FAM20C: variants seen among roughly 807,000 people sequenced by gnomAD.
The protein encoded by FAM20C is extracellular serine/threonine protein kinase FAM20C.
FAM20C carries 40 observed loss-of-function variants against 51.5 expected under a neutral mutation model. The observed-to-expected ratio is 0.78, with a 90% CI of 0.60 to 1.01. The LOEUF is 1.01. Ranked by LOEUF, FAM20C falls within the 50% of genes least tolerant of loss-of-function variation. The pLI is 0.00. For synonymous variants in FAM20C, 406 were observed against 380.6 expected (o/e 1.07, Z -0.78); for missense variants, 861 against 844.7 (o/e 1.02, Z -0.24).
intron 2 of FAM20C, among the ~76,000 whole-genome samples, chr7:203,633 G>A (rs568131172): frequency 1.3e-5 from 2 of 152,322 alleles, no homozygotes; most frequent in Middle Eastern, 3.4e-3. Context: ...GTGGGCCCAC[G>A]GTCCACAGGA....
intron 2 of FAM20C, among the ~76,000 whole-genome samples, chr7:203,894 C>T (rs1236697151): frequency 6.6e-6 from 1 of 152,160 alleles, no homozygotes; most frequent in East Asian, 1.9e-4. Context: ...AATCCTGTGA[C>T]CCCAGTTACT....
intron 3 of FAM20C, among the ~76,000 whole-genome samples, chr7:234,873 T>C (rs2115125844): frequency 6.6e-6 from 1 of 152,168 alleles, no homozygotes; most frequent in South Asian, 2.1e-4. Flanking sequence ...CCCACGGCAC[T>C]GCATGTCTCA....
chr7:218,732 G>A (rs570177660), intron 3 of FAM20C, among the ~76,000 whole-genome samples: 50 of 152,368 alleles, frequency 3.3e-4, no homozygotes, highest in African/African-American at 1.1e-3. Context: ...AAACCGAGGT[G>A]GGAGAGGTGA....
chr7:244,898 C>G (rs149633660), intron 3 of FAM20C, among the ~76,000 whole-genome samples: 8,252 of 152,314 alleles, frequency 0.054, 283 homozygotes, highest in Non-Finnish European at 0.082. Flanking sequence ...TTTAACCCCC[C>G]ATAAGAAACG....
intron 3 of FAM20C, among the ~76,000 whole-genome samples, chr7:225,667 C>T (rs375317783): frequency 5.1e-5 from 1 of 19,754 alleles, no homozygotes; most frequent in African/African-American, 2.0e-4. Context: ...CTGAGCAGAA[C>T]GGCACCGTCA....
chr7:256,388 C>G (rs1007227078), intron 6 of FAM20C: 34 of 573,450 alleles, frequency 5.9e-5, no homozygotes, highest in African/African-American at 5.0e-4. Flanking sequence ...AGTCCAGGTC[C>G]TGTTTCCCCA....
At chr7:209,992 G>A (rs1344904960) in intron 3 of FAM20C, among the ~76,000 whole-genome samples, 2 of 152,214 alleles carry the variant, frequency 1.3e-5, no homozygotes, top group Non-Finnish European at 2.9e-5. Context: ...CACGAGTCCT[G>A]CCTCAGACCC....
At chr7:212,953 ACTC>A (rs1786791048) in intron 3 of FAM20C, among the ~76,000 whole-genome samples, 1 of 141,516 alleles carries the variant, frequency 7.1e-6, no homozygotes, top group South Asian at 2.4e-4. Context: ...TTCTGTCATC[ACTC>A]CTCAACCCCC....
Position 258,722 on chromosome 7 carries a change from A to G in FAM20C, c.1505+17A>G, listed in dbSNP as rs1008505507. The G allele has an allele frequency of 2.0e-6, 3 of 1,531,336 alleles. No homozygotes were observed. In the African/African-American group the frequency reaches 4.1e-5, roughly 21 times the overall value. 94.9% of individuals were successfully genotyped at this position (1,531,336 alleles called of 1,614,324 possible). A position where few individuals can be genotyped will look rare whatever the true frequency, so the allele number is the denominator to read the frequency against. On this transcript the variant is annotated intron_variant, in intron 9 of 9. Coordinates refer to ENST00000313766, the MANE Select transcript of FAM20C (RefSeq NM_020223.4). ...GTGCTGCAGGTACAGCCCCTGCCGG[A>G]GCCGGCTCCAGCTCCACCCTCCTCC...
Position 255,860 on chromosome 7 carries a change from T to A in FAM20C, c.1084T>A (p.Cys362Ser). 6.5e-7 allele frequency: 1 copy of A among 1,536,358 alleles called. No individual in the cohort carries two copies. The change falls in exon 6 of 10, where the codon TGC (cysteine) becomes AGC (serine). Residue 362 changes from cysteine to serine, a missense_variant. Coordinates refer to ENST00000313766, the MANE Select transcript of FAM20C (RefSeq NM_020223.4). ...TFFISPANNI[C>S]FYGECSYYCS... Reference sequence around the variant, plus strand: ...CTGTCCCTCCCCAGCCAACAACATCTGCTTCTACGGCGAGTGTTCCTACTA... The same window carrying A: ...CTGTCCCTCCCCAGCCAACAACATCAGCTTCTACGGCGAGTGTTCCTACTA...
chr7:206,980 A>G lies in FAM20C; in HGVS notation c.785-1918A>G, dbSNP rs112280985. 6.8e-3 allele frequency among the ~76,000 whole-genome samples: 152 copies of G among 22,512 alleles called. 18 individuals are homozygous for G. The highest frequency in any genetic ancestry group is 8.9e-3 in the African/African-American group (46 of 5,192). 14.8% of individuals were successfully genotyped at this position (22,512 alleles called of 152,430 possible). On this transcript the variant is annotated intron_variant, in intron 2 of 9. Coordinates refer to ENST00000313766, the MANE Select transcript of FAM20C (RefSeq NM_020223.4). ...ACGGCCCCCTCGGCCCCGCACACGT[A>G]TCCACTGTGAGGCGTCGGTCACTGT... is the stretch of plus-strand genomic sequence containing the variant.
intron 3 of FAM20C, among the ~76,000 whole-genome samples, chr7:233,946 T>C (rs2115124193): frequency 6.6e-6 from 1 of 152,232 alleles, no homozygotes; most frequent in South Asian, 2.1e-4. Flanking sequence ...TGGCCAGCTC[T>C]GGGGGGAGGG....
intron 3 of FAM20C, among the ~76,000 whole-genome samples, chr7:215,292 G>C (rs28528710): frequency 0.11 from 1,218 of 11,548 alleles, 133 homozygotes; most frequent in African/African-American, 0.12. Flanking sequence ...AGCAGGGCCC[G>C]TGGTGTATGG....
At chr7:234,217 G>T (rs994206758) in intron 3 of FAM20C, among the ~76,000 whole-genome samples, 3 of 152,254 alleles carry the variant, frequency 2.0e-5, no homozygotes, top group Admixed American at 2.0e-4. Context: ...CGGTTCTGCC[G>T]AGTCCCCCTC....
chr7:233,407 T>C (rs1787758013), intron 3 of FAM20C, among the ~76,000 whole-genome samples: 1 of 152,198 alleles, frequency 6.6e-6, no homozygotes, highest in Non-Finnish European at 1.5e-5. Context: ...TTCGTGTGGC[T>C]GGGTATCCTG....
chr7:255,038 C>T lies in FAM20C; in HGVS notation c.1073-811C>T, dbSNP rs576538346. Reference sequence around the variant, plus strand: ...TTCTCTCTTTTTCGGCTGTGGTGAGCGGTGCTGCTGTGAGCATTCGTGTCT... The same window carrying T: ...TTCTCTCTTTTTCGGCTGTGGTGAGTGGTGCTGCTGTGAGCATTCGTGTCT... On this transcript the variant is annotated intron_variant, in intron 5 of 9. Coordinates refer to ENST00000313766, the MANE Select transcript of FAM20C (RefSeq NM_020223.4). Among the ~76,000 whole-genome samples the T allele has an allele frequency of 2.4e-3, 367 of 152,298 alleles. 2 individuals are homozygous for T. The highest frequency in any genetic ancestry group is 8.4e-3 in the African/African-American group (349 of 41,562).
intron 3 of FAM20C, among the ~76,000 whole-genome samples, chr7:220,344 G>A (rs1787200493): frequency 6.6e-6 from 1 of 152,230 alleles, no homozygotes. Flanking sequence ...CACCCACTGG[G>A]CGCCTGCTGT....
At chr7:252,207 G>C (rs573589415) in intron 5 of FAM20C, among the ~76,000 whole-genome samples, 3 of 150,850 alleles carry the variant, frequency 2.0e-5, no homozygotes, top group Non-Finnish European at 4.4e-5. Flanking sequence ...ACACCCCCTC[G>C]GCCTCCCGAC....
intron 3 of FAM20C, among the ~76,000 whole-genome samples, chr7:219,353 C>T (rs922772313): frequency 1.4e-5 from 2 of 147,540 alleles, no homozygotes; most frequent in African/African-American, 5.4e-5. Context: ...AGGACAGCAA[C>T]GCCCAGCCCA....
Sources: gnomAD v4.1 joint callset for allele counts (sites outside exome capture counted in the v4.1 genomes callset) on GRCh38, gnomAD v4.1.1 for gene constraint, MANE v1.5 for transcripts, NCBI Gene and HGNC (gene_info 2026-07-23, HGNC 2026-07-21) for gene names.